TENM2: variants seen among roughly 807,000 people sequenced by gnomAD.
TENM2 encodes the protein teneurin transmembrane protein 2, also known as teneurin-2.
TENM2 carries 52 observed loss-of-function variants against 245.2 expected under a neutral mutation model. That is an observed-to-expected ratio of 0.21 (90% CI 0.17 to 0.27). The LOEUF (loss-of-function observed/expected upper bound fraction) is 0.27. Ranked by LOEUF, TENM2 falls within the 10% of genes least tolerant of loss-of-function variation. TENM2 has a pLI of 1.00. For synonymous variants in TENM2, 1,363 were observed against 1,438.9 expected, an observed-to-expected ratio of 0.95 and a Z score of 1.19; for missense variants, 3,046 against 3,666.8, an observed-to-expected ratio of 0.83 and a Z score of 4.37.
intron 2 of TENM2, among the ~76,000 whole-genome samples, chr5:167,577,950 T>C (rs2127674678): frequency 6.6e-6 from 1 of 152,310 alleles, no homozygotes; most frequent in Middle Eastern, 3.4e-3. Context: ...GAGGAGCCTG[T>C]CTTTGAATTA....
chr5:167,035,132 AT>A, the TENM2 span, among the ~76,000 whole-genome samples: 23 of 152,252 alleles, frequency 1.5e-4, no homozygotes, highest in African/African-American at 4.3e-4. Context: ...CACAGACTGT[AT>A]TTTATTTGAA....
chr5:167,841,412 T>A (rs2151153893), intron 2 of TENM2, among the ~76,000 whole-genome samples: 1 of 152,348 alleles, frequency 6.6e-6, no homozygotes, highest in South Asian at 2.1e-4. Flanking sequence ...ATTACATAAA[T>A]GGTGGAAAAA....
At chr5:167,364,153 T>C (rs1231714224) in intron 1 of TENM2, among the ~76,000 whole-genome samples, 1 of 152,072 alleles carries the variant, frequency 6.6e-6, no homozygotes, top group African/African-American at 2.4e-5. Context: ...TGAATAAATA[T>C]ATAAAAGAGG....
At chr5:167,365,412 TAAATA>T (rs371237860) in intron 1 of TENM2, among the ~76,000 whole-genome samples, 5 of 149,454 alleles carry the variant, frequency 3.3e-5, no homozygotes, top group African/African-American at 4.9e-5. Flanking sequence ...TAAGTAGAAA[TAAATA>T]AGATAAGTGC....
chr5:167,046,405 T>C, the TENM2 span, among the ~76,000 whole-genome samples: 2 of 152,188 alleles, frequency 1.3e-5, no homozygotes, highest in African/African-American at 4.8e-5. Context: ...TTTTTTATAT[T>C]TAAAACTTAA....
intron 2 of TENM2, among the ~76,000 whole-genome samples, chr5:167,673,122 A>G (rs1756073402): frequency 6.6e-6 from 1 of 152,064 alleles, no homozygotes; most frequent in South Asian, 2.1e-4. Flanking sequence ...CAATGTGTAG[A>G]TGCCACTTAT....
the TENM2 span, among the ~76,000 whole-genome samples, chr5:167,273,106 G>A: frequency 5.3e-5 from 8 of 152,288 alleles, no homozygotes; most frequent in South Asian, 1.2e-3. Context: ...GAAGTTAATC[G>A]TGAACAGTGT....
At chr5:167,799,806 C>T (rs888085029) in intron 2 of TENM2, among the ~76,000 whole-genome samples, 4 of 152,168 alleles carry the variant, frequency 2.6e-5, no homozygotes, top group Non-Finnish European at 2.9e-5. Flanking sequence ...TGTCTATCCC[C>T]AGTCTAAATA....
In TENM2 at chr5:167,462,712, C is replaced by T. The variant is rs144146887; in HGVS notation, c.502+87239C>T. On this transcript the variant is annotated intron_variant, in intron 2 of 28. Coordinates refer to ENST00000518659, the Ensembl canonical transcript of TENM2. The stretch of plus-strand genomic sequence containing the variant: ...GCTGCACCACTCTGCTGCTCTTCTG[C>T]TCTTCCGTTCATCTGCTTGTGGAGC... Among the ~76,000 whole-genome samples, 11 of 151,994 alleles carry T rather than the reference C, an allele frequency of 7.2e-5. No homozygotes were observed. In the East Asian group the frequency reaches 2.2e-3, roughly 30 times the overall value.
At chr5:168,168,393 A>G (rs1758493284) in intron 13 of TENM2, among the ~76,000 whole-genome samples, 1 of 152,210 alleles carries the variant, frequency 6.6e-6, no homozygotes, top group Admixed American at 6.5e-5. Context: ...CTGAAAAGAC[A>G]TGAAGTCTGG....
chr5:167,302,702 G>A (rs1166453926), intron 1 of TENM2, among the ~76,000 whole-genome samples: 2 of 151,848 alleles, frequency 1.3e-5, no homozygotes, highest in East Asian at 3.9e-4. Flanking sequence ...TGCCACTAAG[G>A]GTGAAGGAGA....
intron 3 of TENM2, among the ~76,000 whole-genome samples, chr5:167,933,731 G>C (rs1007613851): frequency 2.6e-5 from 4 of 151,994 alleles, no homozygotes; most frequent in Non-Finnish European, 5.9e-5. Flanking sequence ...GGATGGGATG[G>C]CCTGGGCTGA....
intron 2 of TENM2, among the ~76,000 whole-genome samples, chr5:167,630,115 G>A (rs1021759357): frequency 2.0e-5 from 3 of 149,940 alleles, no homozygotes; most frequent in Non-Finnish European, 3.0e-5. Flanking sequence ...CTTACCTTAC[G>A]TCTTAGCAGC....
At chr5:167,041,313 C>T in the TENM2 span, among the ~76,000 whole-genome samples, 5 of 152,136 alleles carry the variant, frequency 3.3e-5, no homozygotes, top group African/African-American at 9.7e-5. Context: ...CTCCACAGGC[C>T]GTAATTTACG....
intron 3 of TENM2, among the ~76,000 whole-genome samples, chr5:167,888,990 C>A (rs1774518040): frequency 6.6e-6 from 1 of 152,190 alleles, no homozygotes; most frequent in African/African-American, 2.4e-5. Flanking sequence ...GAACACTCAA[C>A]CATGGGAAGC....
At chr5:168,055,330 G>C (rs993776834) in intron 6 of TENM2, among the ~76,000 whole-genome samples, 5 of 152,162 alleles carry the variant, frequency 3.3e-5, no homozygotes, top group African/African-American at 1.2e-4. Context: ...ACATTGCTTA[G>C]GACATTTCTT....
chr5:167,971,593 T>C (rs4976566), intron 4 of TENM2, among the ~76,000 whole-genome samples: 109,197 of 151,776 alleles, frequency 0.72, 40,297 homozygotes, highest in East Asian at 0.99. Flanking sequence ...CCCAGCTACT[T>C]GGGAGGCTGA....
chr5:167,252,915 C>T, the TENM2 span, among the ~76,000 whole-genome samples: 5 of 152,196 alleles, frequency 3.3e-5, no homozygotes, highest in South Asian at 6.2e-4. Context: ...TCTGGCCTTA[C>T]GTGTCATAGC....
intron 14 of TENM2, among the ~76,000 whole-genome samples, chr5:168,193,611 C>A (rs1013560189): frequency 6.6e-6 from 1 of 152,180 alleles, no homozygotes; most frequent in Non-Finnish European, 1.5e-5. Context: ...CACTGCAAAG[C>A]CTTCTGCTAC....
Sources: allele counts gnomAD v4.1 joint callset (sites outside exome capture counted in the v4.1 genomes callset), GRCh38; gene constraint gnomAD v4.1.1; transcripts MANE v1.5; gene names NCBI Gene and HGNC (gene_info 2026-07-23, HGNC 2026-07-21).